The following LMF1 variants were observed in gnomAD, a reference collection of about 807,000 sequenced individuals.
LMF1 encodes lipase maturation factor 1.
A neutral mutation model predicts 60.6 loss-of-function variants in LMF1; 68 were observed. The observed-to-expected ratio is 1.12, with a 90% CI of 0.92 to 1.37. LMF1 has a LOEUF of 1.37. Ranked by LOEUF, LMF1 falls within the 40% of genes most tolerant of loss-of-function variation. The pLI is 0.00. For missense variants in LMF1, 948 were observed against 767.2 expected, an observed-to-expected ratio of 1.24 and a Z score of -2.78; for synonymous variants, 418 against 324.7, an observed-to-expected ratio of 1.29 and a Z score of -3.09.
At chr16:944,944 T>C (rs2072199659) in intron 2 of LMF1, among the ~76,000 whole-genome samples, 1 of 152,066 alleles carries the variant, frequency 6.6e-6, no homozygotes, top group South Asian at 2.1e-4. Context: ...CTGGGCACCG[T>C]GGCTCATGCC....
chr16:954,578 G>C lies in LMF1; in HGVS notation c.282C>G (p.Phe94Leu), dbSNP rs372903890. 1.2e-6 allele frequency: 2 copies of C among 1,613,098 alleles called. No homozygotes were observed. The highest frequency in any genetic ancestry group is 1.3e-5 in the African/African-American group (1 of 74,930). ...LLPCRVFLKN[F>L]QQYFQDRTSW... is the part of the protein sequence containing the mutation. ...TCGTCCTGTCCTGGAAGTACTGCTG[G>C]AAGTTCTTCAGGAACACTCTGCAGG... The change falls in exon 2 of 11, where the codon TTC becomes TTG. Residue 94 changes from phenylalanine to leucine, a missense_variant. Transcript: ENST00000262301.
intron 5 of LMF1, among the ~76,000 whole-genome samples, chr16:890,685 C>A (rs1355495495): frequency 6.6e-6 from 1 of 152,258 alleles, no homozygotes; most frequent in African/African-American, 2.4e-5. Context: ...ACAGGACCCC[C>A]CCATGTGTCT....
At chr16:875,334 T>G (rs115674753) in intron 6 of LMF1, among the ~76,000 whole-genome samples, 1 of 151,166 alleles carries the variant, frequency 6.6e-6, no homozygotes, top group African/African-American at 2.4e-5. Context: ...CTTGGGAGGG[T>G]CCCTGTCTGC....
intron 1 of LMF1, chr16:979,718 G>A (rs765171554): frequency 5.3e-5 from 24 of 453,980 alleles, no homozygotes; most frequent in Non-Finnish European, 9.7e-5. Context: ...CTCCACGGAG[G>A]TCCTCACCCG....
intron 5 of LMF1, among the ~76,000 whole-genome samples, chr16:889,456 A>G (rs7185168): frequency 0.47 from 70,924 of 151,976 alleles, 19,345 homozygotes; most frequent in African/African-American, 0.75. Context: ...CTGCACACTC[A>G]GAGCTCCCAA....
At chr16:943,815 G>A (rs773847787) in intron 2 of LMF1, among the ~76,000 whole-genome samples, 3 of 150,846 alleles carry the variant, frequency 2.0e-5, no homozygotes, top group East Asian at 3.9e-4. Context: ...TCTTTTCTAC[G>A]TGTGCTATCT....
intron 4 of LMF1, among the ~76,000 whole-genome samples, chr16:894,733 G>T (rs994012367): frequency 1.3e-5 from 2 of 152,238 alleles, no homozygotes; most frequent in African/African-American, 2.4e-5. Flanking sequence ...TGCCCACACG[G>T]TGGGAAGAGG....
intron 3 of LMF1, among the ~76,000 whole-genome samples, chr16:920,512 G>T (rs888442653): frequency 6.6e-6 from 1 of 152,164 alleles, no homozygotes; most frequent in African/African-American, 2.4e-5. Flanking sequence ...GAAAGAAAAG[G>T]CAGTGAACAC....
intron 6 of LMF1, among the ~76,000 whole-genome samples, chr16:877,016 G>A (rs781649850): frequency 2.6e-5 from 4 of 152,178 alleles, no homozygotes; most frequent in African/African-American, 7.2e-5. Context: ...CTTGCTCCCC[G>A]CTGTCTCAGG....
chr16:887,061 C>T (rs1162212525), intron 5 of LMF1: 4 of 152,190 alleles, frequency 2.6e-5, no homozygotes, highest in South Asian at 2.1e-4. Flanking sequence ...TCTTCACGGG[C>T]GACGCCAACC....
intron 4 of LMF1, among the ~76,000 whole-genome samples, chr16:906,437 G>A (rs1446996871): frequency 6.6e-6 from 1 of 152,126 alleles, no homozygotes; most frequent in Non-Finnish European, 1.5e-5. Flanking sequence ...AGAAAAAGGA[G>A]AAGAGGGGAG....
At position 910,801 on chromosome 16, in the gene LMF1, C is replaced by T. The variant is rs190766561; in HGVS notation, c.663+130G>A. On this transcript the variant is annotated intron_variant, in intron 4 of 10. Coordinates refer to ENST00000262301, the MANE Select transcript of LMF1 (RefSeq NM_022773.4). ...AAGGGGCAGAAGAGTGCGCAGCTGG[C>T]CAGGCCAGGCCGACAGGAGGACAGA... The T allele has an allele frequency of 7.5e-5, 88 of 1,180,088 alleles. No individual in the cohort carries two copies. In the Admixed American group the frequency reaches 1.8e-3, roughly 24 times the overall value. The allele number at this position is 1,180,088 out of a possible 1,614,324, so 73.1% of individuals were successfully genotyped here. A position where few individuals can be genotyped will look rare whatever the true frequency, so the allele number is the denominator to read the frequency against.
At chr16:954,193 G>A in intron 2 of LMF1, 164 bp downstream of exon 2, 1 of 763,672 alleles carries the variant, frequency 1.3e-6, no homozygotes, top group Non-Finnish European at 2.3e-6. Flanking sequence ...TGCTGTGGCT[G>A]GTGCACTGGC....
chr16:933,732 T>A, intron 3 of LMF1: 2 of 326,898 alleles, frequency 6.1e-6, no homozygotes, highest in South Asian at 5.4e-5. Context: ...GGAGGTCACA[T>A]CCACCGTCCT....
intron 5 of LMF1, chr16:881,405 C>G (rs1321653708): frequency 6.6e-6 from 1 of 152,240 alleles, no homozygotes; most frequent in African/African-American, 2.4e-5. Context: ...GCCAGGAGTT[C>G]CCGTGCAGCT....
intron 3 of LMF1, among the ~76,000 whole-genome samples, chr16:926,264 G>A (rs899034869): frequency 1.3e-5 from 2 of 151,704 alleles, no homozygotes; most frequent in South Asian, 2.1e-4. Flanking sequence ...GTGTGTGCAT[G>A]CATGCACCTG....
At chr16:887,574 C>T (rs945653414) in intron 5 of LMF1, among the ~76,000 whole-genome samples, 1 of 152,170 alleles carries the variant, frequency 6.6e-6, no homozygotes, top group African/African-American at 2.4e-5. Context: ...GCTCTGCACC[C>T]CCTCAGCCAC....
chr16:854,700 G>C lies in LMF1; in HGVS notation c.1536C>G (p.Val512=). The stretch of plus-strand genomic sequence containing the variant: ...ACTTGTACCTGTAGTGCTCTCCTCG[G>C]ACCCACCTGCAAGGGGGCACATGTC... The part of the protein sequence containing the change: ...PFAGRPPPRW[V]RGEHYRYKFS... The change falls in exon 11 of 11, where the codon GTC becomes GTG. Residue 512 remains valine (V), a synonymous_variant. Coordinates refer to ENST00000262301, the MANE Select transcript of LMF1 (RefSeq NM_022773.4). The C allele has an allele frequency of 6.3e-7, 1 of 1,589,306 alleles. No individual in the cohort carries two copies. Among genetic ancestry groups the C allele is most frequent in the Non-Finnish European group, 8.5e-7 (1 of 1,173,048 alleles).
chr16:919,292 AC>A (rs1803840845), intron 3 of LMF1, among the ~76,000 whole-genome samples: 1 of 152,074 alleles, frequency 6.6e-6, no homozygotes, highest in African/African-American at 2.4e-5. Context: ...CAGGGAAGGA[AC>A]GTGGGGGTTG....
Sources: gnomAD v4.1 joint callset for allele counts (sites outside exome capture counted in the v4.1 genomes callset) on GRCh38, gnomAD v4.1.1 for gene constraint, MANE v1.5 for transcripts, NCBI Gene and HGNC (gene_info 2026-07-23, HGNC 2026-07-21) for gene names.